Variants in CTNND2 observed in about 807,000 individuals in gnomAD.
CTNND2 encodes catenin delta 2.
A neutral mutation model predicts 144.4 loss-of-function variants in CTNND2; 22 were observed. The observed-to-expected ratio is 0.15, with a 90% CI of 0.11 to 0.22. The LOEUF (loss-of-function observed/expected upper bound fraction) is 0.22, where lower values mean the gene tolerates loss of function less well. Among genes scored for constraint, CTNND2 ranks in the 10% least tolerant of loss-of-function variants. The pLI is 1.00. For synonymous variants in CTNND2, 751 were observed against 695.6 expected (o/e 1.08, Z -1.25); for missense variants, 1,353 against 1,618.8 (o/e 0.84, Z 2.82).
At chr5:11,624,995 C>A (rs1024005228) in intron 2 of CTNND2, among the ~76,000 whole-genome samples, 27 of 151,366 alleles carry the variant, frequency 1.8e-4, no homozygotes, top group African/African-American at 6.1e-4. Flanking sequence ...TTGACAACAA[C>A]AACCAAAAAA....
Position 11,375,254 on chromosome 5 carries a change from C to A in CTNND2, c.1177+9411G>T, listed in dbSNP as rs543942400. On this transcript the variant is annotated intron_variant, in intron 7 of 21. Transcript: ENST00000304623. The stretch of plus-strand genomic sequence containing the variant: ...TATCTTTCACCAACACTCAGAGTGA[C>A]CTCTGTCATAACTCCAGAAGAAAAA... Among the ~76,000 whole-genome samples, 3 of 152,256 alleles carry A rather than the reference C, an allele frequency of 2.0e-5. No individual in the cohort carries two copies. The South Asian group carries it at 6.2e-4, about 32-fold the overall frequency.
At chr5:11,082,572 G>A in intron 16 of CTNND2, 124 bp downstream of exon 16, 1 of 1,106,714 alleles carries the variant, frequency 9.0e-7, no homozygotes, top group Non-Finnish European at 1.3e-6. Flanking sequence ...GAAAAAATGA[G>A]GCTGCTAATA....
rs533662889 is a variant in CTNND2, at chr5:11,666,071, TG to T, written c.174+66064del. The stretch of plus-strand genomic sequence containing the variant: ...AACAAGATGAATGTGTACTACAGAA[TG>T]ATAGCCAAGAAGGATGACACTTAAG... On this transcript the variant is annotated intron_variant, in intron 2 of 21. Coordinates refer to ENST00000304623, the MANE Select transcript of CTNND2 (RefSeq NM_001332.4). 5.5e-3 allele frequency among the ~76,000 whole-genome samples: 842 copies of T among 152,290 alleles called. 7 individuals are homozygous for T. Among genetic ancestry groups the T allele is most frequent in the African/African-American group, 0.02 (811 of 41,564 alleles).
At chr5:11,843,513 A>G (rs554257588) in intron 1 of CTNND2, among the ~76,000 whole-genome samples, 4 of 152,344 alleles carry the variant, frequency 2.6e-5, no homozygotes, top group African/African-American at 9.6e-5. Context: ...TCACAGGAGG[A>G]AAAAATAAAT....
At chr5:11,521,881 C>A (rs1772756784) in intron 3 of CTNND2, among the ~76,000 whole-genome samples, 1 of 152,118 alleles carries the variant, frequency 6.6e-6, no homozygotes, top group Non-Finnish European at 1.5e-5. Flanking sequence ...ACAATGGATG[C>A]ACTCCCAACG....
chr5:11,028,201 A>AT (rs946897589), intron 16 of CTNND2, among the ~76,000 whole-genome samples: 2 of 152,054 alleles, frequency 1.3e-5, no homozygotes, highest in Non-Finnish European at 2.9e-5. Flanking sequence ...GAGAAAATAT[A>AT]TTTTTCCAGA....
intron 3 of CTNND2, among the ~76,000 whole-genome samples, chr5:11,483,626 T>C (rs1309723140): frequency 2.6e-5 from 4 of 152,218 alleles, no homozygotes; most frequent in Admixed American, 6.5e-5. Flanking sequence ...CCTATCCTAC[T>C]TCACTCACTT....
intron 9 of CTNND2, among the ~76,000 whole-genome samples, chr5:11,320,347 G>C (rs557954782): frequency 6.6e-6 from 1 of 151,976 alleles, no homozygotes; most frequent in South Asian, 2.1e-4. Context: ...TAGGTTTCTT[G>C]TTTATCTAAA....
intron 12 of CTNND2, among the ~76,000 whole-genome samples, chr5:11,138,754 A>T (rs1756403491): frequency 1.3e-5 from 2 of 152,212 alleles, no homozygotes; most frequent in Admixed American, 1.3e-4. Context: ...GGAGCTACAC[A>T]ACAGGACCAA....
rs74892099 is a variant in CTNND2 at position 11,498,711 on chromosome 5, T to A, written c.287+66233A>T. On this transcript the variant is annotated intron_variant, in intron 3 of 21. Transcript: ENST00000304623. Reference sequence around the variant, plus strand: ...CTTTGGCCCTTCGCGTATAGCTAGATAATTTTTATATTGCAAAAATGCTTC... The same window carrying A: ...CTTTGGCCCTTCGCGTATAGCTAGAAAATTTTTATATTGCAAAAATGCTTC... 1.8e-4 allele frequency among the ~76,000 whole-genome samples: 28 copies of A among 152,366 alleles called. No homozygotes were observed. The East Asian group carries it at 5.0e-3, about 27-fold the overall frequency.
At chr5:11,733,289 C>T (rs948988971) in intron 1 of CTNND2, among the ~76,000 whole-genome samples, 3 of 152,056 alleles carry the variant, frequency 2.0e-5, no homozygotes, top group African/African-American at 7.2e-5. Context: ...AACATGTGGG[C>T]TCTGACACTC....
At chr5:11,729,974 C>CTTCTTT (rs1787246145) in intron 2 of CTNND2, among the ~76,000 whole-genome samples, 1 of 152,090 alleles carries the variant, frequency 6.6e-6, no homozygotes, top group Admixed American at 6.6e-5. Context: ...TACTTGCTTG[C>CTTCTTT]ATCTTTCTTC....
At chr5:11,112,556 T>C (rs919657181) in intron 13 of CTNND2, among the ~76,000 whole-genome samples, 1 of 152,218 alleles carries the variant, frequency 6.6e-6, no homozygotes, top group Non-Finnish European at 1.5e-5. Context: ...TAAATGTGTG[T>C]TGGGTTCAGC....
At chr5:11,309,960 A>G (rs1750629224) in intron 9 of CTNND2, among the ~76,000 whole-genome samples, 2 of 151,686 alleles carry the variant, frequency 1.3e-5, no homozygotes, top group Non-Finnish European at 2.9e-5. Context: ...TTCTGCCATT[A>G]TTGTAAGTTT....
chr5:11,566,100 C>G (rs4492086), intron 2 of CTNND2, among the ~76,000 whole-genome samples: 1,666 of 152,258 alleles, frequency 0.011, 29 homozygotes, highest in African/African-American at 0.037. Flanking sequence ...CCAGGACACT[C>G]TTGCATGAGG....
At chr5:11,651,949 C>G (rs1166164498) in intron 2 of CTNND2, among the ~76,000 whole-genome samples, 6 of 152,002 alleles carry the variant, frequency 3.9e-5, no homozygotes, top group Non-Finnish European at 4.4e-5. Flanking sequence ...GACTTTGGAC[C>G]GTGAACTTCT....
At chr5:11,001,430 G>T (rs1739952758) in intron 18 of CTNND2, among the ~76,000 whole-genome samples, 1 of 152,046 alleles carries the variant, frequency 6.6e-6, no homozygotes, top group African/African-American at 2.4e-5. Context: ...AGGCAGCAAG[G>T]GTGCCTCATT....
chr5:11,075,360 T>C (rs754088909), intron 16 of CTNND2, among the ~76,000 whole-genome samples: 3 of 152,166 alleles, frequency 2.0e-5, no homozygotes, highest in Non-Finnish European at 2.9e-5. Context: ...AAGTGGATTA[T>C]AGAATAGGAA....
At chr5:11,531,180 T>A (rs546276041) in intron 3 of CTNND2, among the ~76,000 whole-genome samples, 2 of 152,258 alleles carry the variant, frequency 1.3e-5, no homozygotes, top group South Asian at 4.1e-4. Flanking sequence ...AAAGGACACC[T>A]GGCCAAGGAA....
Sources: allele counts gnomAD v4.1 joint callset (sites outside exome capture counted in the v4.1 genomes callset), GRCh38; gene constraint gnomAD v4.1.1; transcripts MANE v1.5; gene names NCBI Gene and HGNC (gene_info 2026-07-23, HGNC 2026-07-21).